The following PARD3B variants were observed in gnomAD, a reference collection of about 807,000 sequenced individuals.
PARD3B encodes partitioning defective 3 homolog B.
PARD3B carries 103 observed loss-of-function variants against 130.2 expected under a neutral mutation model. That is an observed-to-expected ratio of 0.79 (90% confidence interval 0.67 to 0.93). The LOEUF (loss-of-function observed/expected upper bound fraction) is 0.93, where lower values mean the gene tolerates loss of function less well. Among genes scored for constraint, PARD3B ranks in the 40% least tolerant of loss-of-function variants. The probability of loss-of-function intolerance (pLI) is 0.00; values close to 1 mark genes in which losing one functional copy is unlikely to be tolerated. For synonymous variants in PARD3B, 583 were observed against 553.2 expected (o/e 1.05, Z -0.76); for missense variants, 1,609 against 1,499.2 (o/e 1.07, Z -1.21).
At position 205,366,604 on chromosome 2, in the gene PARD3B, A is replaced by G. The variant is rs143452321; in HGVS notation, c.2631-34409A>G. Among the ~76,000 whole-genome samples the G allele has an allele frequency of 2.0e-4, 31 of 152,296 alleles. No homozygotes were observed. Among genetic ancestry groups the G allele is most frequent in the African/African-American group, 6.5e-4 (27 of 41,572 alleles). ...AACTTGCAGGGTATTGCTTTATCTT[A>G]TCATGCTACCTGTCAGCATACAGAT... On this transcript the variant is annotated intron_variant, in intron 18 of 22. Coordinates refer to ENST00000406610, the MANE Select transcript of PARD3B (RefSeq NM_001302769.2). This position sits in a 1 kb window ranked among gnomAD's most constrained non-coding sequence, Gnocchi z 5.0.
chr2:204,719,399 A>G (rs1444789537), intron 2 of PARD3B, among the ~76,000 whole-genome samples: 1 of 152,220 alleles, frequency 6.6e-6, no homozygotes, highest in African/African-American at 2.4e-5. Flanking sequence ...TTGATATTTG[A>G]ATAGACAGAA....
Position 205,287,113 on chromosome 2 carries a change from G to T in PARD3B, c.2186-13417G>T, listed in dbSNP as rs1432131829. Among the ~76,000 whole-genome samples, 1 of 152,152 alleles carries T rather than the reference G, an allele frequency of 6.6e-6. No individual in the cohort carries two copies. The highest frequency in any genetic ancestry group is 2.4e-5 in the African/African-American group (1 of 41,426). The stretch of plus-strand genomic sequence containing the variant: ...GTCAGACACACTTCTCACTGGTGTG[G>T]TTAGCTCTGTACTCACCATTCCTTC... On this transcript the variant is annotated intron_variant, in intron 16 of 22. Transcript: ENST00000406610. The surrounding 1 kb of genome is among the most constrained non-coding windows in gnomAD (Gnocchi z 4.8).
chr2:204,795,259 A>C (rs900486101), intron 2 of PARD3B, among the ~76,000 whole-genome samples: 2 of 152,174 alleles, frequency 1.3e-5, no homozygotes, highest in Non-Finnish European at 2.9e-5. Context: ...ATTTTTGGGC[A>C]AACAGATTGA....
intron 2 of PARD3B, among the ~76,000 whole-genome samples, chr2:204,938,263 G>T (rs1688619878): frequency 1.3e-5 from 2 of 152,192 alleles, no homozygotes; most frequent in South Asian, 2.1e-4. Flanking sequence ...CTACCCTCCT[G>T]TGGGCCACTG....
chr2:205,356,583 G>A (rs891147986), intron 18 of PARD3B, among the ~76,000 whole-genome samples: 1 of 152,022 alleles, frequency 6.6e-6, no homozygotes. Context: ...GCTCTGCTGA[G>A]CGTACATATA....
At chr2:205,084,204 G>A (rs2117296) in intron 4 of PARD3B, among the ~76,000 whole-genome samples, 150,391 of 152,210 alleles carry the variant, frequency 0.99, 74,324 homozygotes, top group Middle Eastern at 1. Context: ...TTGTTTTTCT[G>A]TTTTTTATCT....
chr2:205,578,864 T>C (rs2053861272), intron 22 of PARD3B, among the ~76,000 whole-genome samples: 1 of 152,194 alleles, frequency 6.6e-6, no homozygotes, highest in Admixed American at 6.5e-5. Context: ...AATAAGCTTT[T>C]CCCAACCAGA....
chr2:205,447,003 TG>T (rs2047929135), intron 20 of PARD3B, among the ~76,000 whole-genome samples: 1 of 152,222 alleles, frequency 6.6e-6, no homozygotes, highest in Non-Finnish European at 1.5e-5. Context: ...GGTTGCCAAA[TG>T]GGTTTGATTG....
chr2:205,574,009 T>C (rs573163385), intron 22 of PARD3B, among the ~76,000 whole-genome samples: 1 of 152,300 alleles, frequency 6.6e-6, no homozygotes, highest in African/African-American at 2.4e-5. Context: ...GAAATCCTTA[T>C]ATATTAAAAG....
At chr2:204,848,476 A>C (rs1159673963) in intron 2 of PARD3B, among the ~76,000 whole-genome samples, 2 of 152,134 alleles carry the variant, frequency 1.3e-5, no homozygotes, top group East Asian at 1.9e-4. Flanking sequence ...CTCTACAAAA[A>C]TAAAAATAAA....
chr2:205,320,512 G>C (rs10490295), intron 18 of PARD3B, among the ~76,000 whole-genome samples: 84,909 of 152,110 alleles, frequency 0.56, 27,202 homozygotes, highest in South Asian at 0.75. Context: ...GTAGGTTATA[G>C]GATGTAATAG....
intron 2 of PARD3B, among the ~76,000 whole-genome samples, chr2:204,745,820 C>G (rs1050403123): frequency 1.3e-5 from 2 of 152,006 alleles, no homozygotes; most frequent in African/African-American, 4.8e-5. Context: ...ATGTCTGTCT[C>G]TAAGGCCTAG....
rs569857570 is a variant in PARD3B at position 205,422,180 on chromosome 2, G to A, written c.2742-18190G>A. On this transcript the variant is annotated intron_variant, in intron 19 of 22. Transcript: ENST00000406610. ...AATCTCAGCGATGAGCCAGTCACAAGAAGTCGATTTCAGACAGAAAGAACT... is the reference window on the plus strand; with the variant it reads ...AATCTCAGCGATGAGCCAGTCACAAAAAGTCGATTTCAGACAGAAAGAACT... Among the ~76,000 whole-genome samples, 11 of 152,310 alleles carry A rather than the reference G, an allele frequency of 7.2e-5. No individual in the cohort carries two copies. The Middle Eastern group carries it at 0.01, about 141-fold the overall frequency.
At chr2:205,408,230 G>T (rs1227327116) in intron 19 of PARD3B, among the ~76,000 whole-genome samples, 3 of 152,122 alleles carry the variant, frequency 2.0e-5, no homozygotes, top group Non-Finnish European at 1.5e-5. Flanking sequence ...ATCAATACAT[G>T]TGTTTTTGAT....
chr2:204,826,453 C>T (rs1032344023), intron 2 of PARD3B, among the ~76,000 whole-genome samples: 18 of 152,204 alleles, frequency 1.2e-4, no homozygotes, highest in African/African-American at 4.1e-4. Context: ...ATTCATTGCC[C>T]TGTGATTTCC....
chr2:205,145,873 A>G (rs1050617134), intron 10 of PARD3B, among the ~76,000 whole-genome samples: 1 of 151,186 alleles, frequency 6.6e-6, no homozygotes, highest in Admixed American at 6.6e-5. Flanking sequence ...CATCATAGAC[A>G]CCCTCATTCT....
intron 2 of PARD3B, among the ~76,000 whole-genome samples, chr2:204,935,356 T>C (rs10932091): frequency 0.53 from 75,637 of 143,458 alleles, 20,551 homozygotes; most frequent in South Asian, 0.61. Context: ...GGTGAAACCC[T>C]GTCTCTACTA....
chr2:205,284,914 AT>A (rs2041331704), intron 16 of PARD3B, among the ~76,000 whole-genome samples: 1 of 151,762 alleles, frequency 6.6e-6, no homozygotes, highest in South Asian at 2.1e-4. Context: ...TCCTTCCTAA[AT>A]TTTTACCCAG....
chr2:204,744,663 A>G (rs2040142150), intron 2 of PARD3B, among the ~76,000 whole-genome samples: 1 of 152,104 alleles, frequency 6.6e-6, no homozygotes, highest in Non-Finnish European at 1.5e-5. Flanking sequence ...AAGACAAGGG[A>G]TATCAATGTG....
Sources: allele counts gnomAD v4.1 joint callset (sites outside exome capture counted in the v4.1 genomes callset), GRCh38; gene constraint gnomAD v4.1.1; non-coding constraint Gnocchi (gnomAD v3.1); transcripts MANE v1.5; gene names NCBI Gene and HGNC (gene_info 2026-07-23, HGNC 2026-07-21).